The following GLI3 variants were observed in gnomAD, a reference collection of about 807,000 sequenced individuals.
GLI3 encodes the protein GLI family zinc finger 3.
A neutral mutation model predicts 100.8 loss-of-function variants in GLI3; 20 were observed. The observed-to-expected ratio is 0.20, with a 90% CI of 0.14 to 0.29. The LOEUF (loss-of-function observed/expected upper bound fraction) is 0.29, where lower values mean the gene tolerates loss of function less well. GLI3 is among the 10% of genes least tolerant of loss of function. GLI3 has a pLI of 1.00. For synonymous variants in GLI3, 938 were observed against 860.5 expected (o/e 1.09, Z -1.58); for missense variants, 2,040 against 2,128.5 (o/e 0.96, Z 0.82).
chr7:42,129,612 C>T (rs1430177555), intron 3 of GLI3, among the ~76,000 whole-genome samples: 1 of 152,068 alleles, frequency 6.6e-6, no homozygotes, highest in Non-Finnish European at 1.5e-5. Context: ...AGTACAAGAC[C>T]AGCCTGGCCA....
At chr7:42,089,907 T>A (rs1239297118) in intron 3 of GLI3, among the ~76,000 whole-genome samples, 1 of 152,182 alleles carries the variant, frequency 6.6e-6, no homozygotes, top group Non-Finnish European at 1.5e-5. Context: ...TGTCTTTAGA[T>A]GATTGTGTCA....
At position 42,064,472 on chromosome 7, in the gene GLI3, T is replaced by G. The variant is rs565442316; in HGVS notation, c.473+12280A>C. On this transcript the variant is annotated intron_variant, in intron 4 of 14. Transcript: ENST00000395925. ...ACCTCACTGAGGTCCACATGTATTA[T>G]GAAAACAGATGATTAACTTGTTTTA... 3.3e-4 allele frequency among the ~76,000 whole-genome samples: 51 copies of G among 152,306 alleles called. No homozygotes were observed. In the South Asian group the frequency reaches 0.011, roughly 32 times the overall value.
At chr7:42,048,057 C>A (rs1189531862) in intron 5 of GLI3, among the ~76,000 whole-genome samples, 1 of 152,202 alleles carries the variant, frequency 6.6e-6, no homozygotes, top group Non-Finnish European at 1.5e-5. Flanking sequence ...TGTGCTCAGA[C>A]ACACAGAACA....
intron 7 of GLI3, among the ~76,000 whole-genome samples, chr7:42,036,375 A>G (rs1196467311): frequency 6.6e-6 from 1 of 152,220 alleles, no homozygotes; most frequent in Admixed American, 6.5e-5. Flanking sequence ...TATTTACTCA[A>G]GAAATATTTA....
Position 42,099,107 on chromosome 7 carries a change from G to T in GLI3, c.368-22250C>A, listed in dbSNP as rs3801176. Among the ~76,000 whole-genome samples, 10 of 152,092 alleles carry T rather than the reference G, an allele frequency of 6.6e-5. No homozygotes were observed. In the South Asian group the frequency reaches 2.1e-3, roughly 32 times the overall value. On this transcript the variant is annotated intron_variant, in intron 3 of 14. Transcript: ENST00000395925. ...ACCAAGGCTGAGTGAGTTCTGCCCAGGGACTTCATGCTCCGCCCTCTTCCC... is the reference window on the plus strand; with the variant it reads ...ACCAAGGCTGAGTGAGTTCTGCCCATGGACTTCATGCTCCGCCCTCTTCCC...
intron 4 of GLI3, among the ~76,000 whole-genome samples, chr7:42,071,280 T>A (rs1032472438): frequency 6.6e-6 from 1 of 152,122 alleles, no homozygotes; most frequent in African/African-American, 2.4e-5. Flanking sequence ...CAATTTGATA[T>A]GTCATTACAC....
rs952711844 is a variant in GLI3, at chr7:42,123,129, A to G, written c.367+25097T>C. Among the ~76,000 whole-genome samples the G allele has an allele frequency of 2.0e-5, 3 of 152,198 alleles. No individual in the cohort carries two copies. The East Asian group carries it at 5.8e-4, about 29-fold the overall frequency. ...CGTATGTCTGAAGTATGTGTTACTC[A>G]TCCCTTAAATTAACATCTTCCACTT... On this transcript the variant is annotated intron_variant, in intron 3 of 14. Transcript: ENST00000395925.
At chr7:42,108,516 T>C (rs1199786864) in intron 3 of GLI3, among the ~76,000 whole-genome samples, 1 of 152,088 alleles carries the variant, frequency 6.6e-6, no homozygotes, top group Non-Finnish European at 1.5e-5. Flanking sequence ...GTGAGCAGAG[T>C]ATGTGTTCAA....
intron 2 of GLI3, among the ~76,000 whole-genome samples, chr7:42,153,831 C>T (rs1786935933): frequency 6.6e-6 from 1 of 152,142 alleles, no homozygotes; most frequent in Non-Finnish European, 1.5e-5. Context: ...AGAAATAACC[C>T]TTTCCCATCA....
Position 41,974,581 on chromosome 7 carries a change from A to G in GLI3, c.1813-1954T>C, listed in dbSNP as rs1787457983. On this transcript the variant is annotated intron_variant, in intron 12 of 14. Transcript: ENST00000395925. The stretch of plus-strand genomic sequence containing the variant: ...CTGATAGGAAAAATAAGAAGATGCA[A>G]TGATCTGTAATATAAAGTGTGAAAG... Among the ~76,000 whole-genome samples, 3 of 152,356 alleles carry G rather than the reference A, an allele frequency of 2.0e-5. No homozygotes were observed. In the Middle Eastern group the frequency reaches 0.01, roughly 518 times the overall value.
At chr7:42,115,885 C>T (rs889038328) in intron 3 of GLI3, among the ~76,000 whole-genome samples, 2 of 152,066 alleles carry the variant, frequency 1.3e-5, no homozygotes, top group South Asian at 4.2e-4. Flanking sequence ...CAAGTGTTAA[C>T]AACTGTCATA....
At chr7:41,984,546 C>T (rs557745747) in intron 10 of GLI3, among the ~76,000 whole-genome samples, 4 of 152,272 alleles carry the variant, frequency 2.6e-5, no homozygotes, top group African/African-American at 2.4e-5. Flanking sequence ...AAACCCTGCC[C>T]GAGGGAATCA....
At chr7:41,980,847 A>G (rs1787645082) in intron 10 of GLI3, among the ~76,000 whole-genome samples, 1 of 152,236 alleles carries the variant, frequency 6.6e-6, no homozygotes, top group Non-Finnish European at 1.5e-5. Context: ...AGAACATGAC[A>G]GACATGATTC....
chr7:42,042,166 C>A (rs536661520), intron 6 of GLI3, among the ~76,000 whole-genome samples: 34 of 152,090 alleles, frequency 2.2e-4, no homozygotes, highest in Admixed American at 3.9e-4. Flanking sequence ...ACACACACCA[C>A]CACGCCCGGA....
chr7:42,087,061 T>A (rs747336079), intron 3 of GLI3, among the ~76,000 whole-genome samples: 1 of 152,034 alleles, frequency 6.6e-6, no homozygotes, highest in Non-Finnish European at 1.5e-5. Flanking sequence ...GGCCCACTTA[T>A]CCGTGTATAC....
At chr7:41,967,498 A>G (rs1179417358) in intron 14 of GLI3, 98 bp downstream of exon 14, 2 of 841,576 alleles carry the variant, frequency 2.4e-6, no homozygotes, top group Non-Finnish European at 3.9e-6. Flanking sequence ...TCATTTTAGG[A>G]CTGGTGGAGA....
intron 2 of GLI3, among the ~76,000 whole-genome samples, chr7:42,197,016 G>A (rs1787939627): frequency 1.3e-5 from 2 of 152,228 alleles, no homozygotes; most frequent in South Asian, 4.2e-4. Flanking sequence ...TTTATCCTCT[G>A]GATTTTACAA....
At chr7:42,190,204 A>G (rs974356165) in intron 2 of GLI3, among the ~76,000 whole-genome samples, 1 of 152,176 alleles carries the variant, frequency 6.6e-6, no homozygotes, top group Admixed American at 6.5e-5. Flanking sequence ...AGTGAAAATA[A>G]CAACAATGGC....
At chr7:42,197,386 A>T (rs1368287766) in intron 2 of GLI3, among the ~76,000 whole-genome samples, 1 of 152,202 alleles carries the variant, frequency 6.6e-6, no homozygotes, top group East Asian at 1.9e-4. Flanking sequence ...TTCTGACACT[A>T]TGGTCCCTTT....
Sources: allele counts gnomAD v4.1 joint callset (sites outside exome capture counted in the v4.1 genomes callset), GRCh38; gene constraint gnomAD v4.1.1; transcripts MANE v1.5; gene names NCBI Gene and HGNC (gene_info 2026-07-23, HGNC 2026-07-21).